Variants in TMTC2 observed in about 807,000 individuals in gnomAD.
TMTC2 encodes protein O-mannosyl-transferase TMTC2.
TMTC2 carries 43 observed loss-of-function variants against 82.4 expected under a neutral mutation model. The observed-to-expected ratio is 0.52, with a 90% CI of 0.41 to 0.67. The LOEUF (loss-of-function observed/expected upper bound fraction) is 0.67, where lower values mean the gene tolerates loss of function less well. Ranked by LOEUF, TMTC2 falls within the 30% of genes least tolerant of loss-of-function variation. The pLI is 0.00. For synonymous variants in TMTC2, 408 were observed against 381.9 expected (o/e 1.07, Z -0.80); for missense variants, 919 against 1,012.4 (o/e 0.91, Z 1.25).
At chr12:82,780,349 C>G (rs779729133) in intron 1 of TMTC2, among the ~76,000 whole-genome samples, 11 of 152,014 alleles carry the variant, frequency 7.2e-5, no homozygotes, top group Middle Eastern at 3.4e-3. Context: ...ATTTTTTTCC[C>G]TTTTGCAAGA....
chr12:82,903,012 C>T (rs1249621592), intron 3 of TMTC2, among the ~76,000 whole-genome samples: 3 of 152,222 alleles, frequency 2.0e-5, no homozygotes, highest in Non-Finnish European at 4.4e-5. Flanking sequence ...TTCCCTTACT[C>T]CACACCAGCC....
chr12:82,819,524 G>A (rs1332245820), intron 1 of TMTC2, among the ~76,000 whole-genome samples: 7 of 134,182 alleles, frequency 5.2e-5, no homozygotes, highest in East Asian at 2.1e-4. Context: ...TTTTTGAGAC[G>A]GAGTTTCGCT....
chr12:82,896,813 T>G (rs1375068907), intron 3 of TMTC2, among the ~76,000 whole-genome samples, 167 bp downstream of exon 3: 1 of 152,164 alleles, frequency 6.6e-6, no homozygotes, highest in African/African-American at 2.4e-5. Context: ...ATATAACCAA[T>G]TTAGAGACAT....
chr12:83,049,983 G>A (rs1882286924), intron 9 of TMTC2, among the ~76,000 whole-genome samples: 1 of 151,986 alleles, frequency 6.6e-6, no homozygotes, highest in Non-Finnish European at 1.5e-5. Context: ...AAAGTTTTAT[G>A]TTTTTGTGTG....
chr12:82,740,876 G>A (rs1475190062), intron 1 of TMTC2, among the ~76,000 whole-genome samples: 1 of 152,182 alleles, frequency 6.6e-6, no homozygotes, highest in Admixed American at 6.5e-5. Flanking sequence ...CGAGCAATCT[G>A]GTATTTCTCA....
intron 8 of TMTC2, among the ~76,000 whole-genome samples, chr12:83,029,905 G>C (rs189618989): frequency 1.3e-4 from 20 of 152,232 alleles, no homozygotes; most frequent in Admixed American, 9.8e-4. Context: ...GCGTATGATG[G>C]TAATATTTAC....
intron 11 of TMTC2, among the ~76,000 whole-genome samples, chr12:83,080,097 C>T (rs988703751): frequency 5.3e-5 from 8 of 152,274 alleles, no homozygotes; most frequent in Non-Finnish European, 1.2e-4. Context: ...TACTGATTGA[C>T]ACAGTAACTC....
chr12:83,121,355 G>A (rs1202381293), intron 11 of TMTC2, among the ~76,000 whole-genome samples: 2 of 152,164 alleles, frequency 1.3e-5, no homozygotes, highest in Non-Finnish European at 2.9e-5. Flanking sequence ...TTCCCTTGAT[G>A]TAATACTCTC....
At chr12:82,729,873 C>T (rs1421339820) in intron 1 of TMTC2, among the ~76,000 whole-genome samples, 1 of 152,158 alleles carries the variant, frequency 6.6e-6, no homozygotes, top group Non-Finnish European at 1.5e-5. Flanking sequence ...CGAAGGTCTG[C>T]AGCTTCACTC....
chr12:83,007,338 T>C (rs952287699), intron 8 of TMTC2, among the ~76,000 whole-genome samples: 2 of 152,232 alleles, frequency 1.3e-5, no homozygotes, highest in Non-Finnish European at 2.9e-5. Flanking sequence ...CACTTAAACT[T>C]CAGTCTTAGG....
chr12:82,839,566 G>A (rs958154158), intron 1 of TMTC2, among the ~76,000 whole-genome samples: 1 of 152,126 alleles, frequency 6.6e-6, no homozygotes, highest in African/African-American at 2.4e-5. Context: ...TTGTCCTGTT[G>A]TTTAGAAGTG....
rs1227825792 is a variant in TMTC2 at position 83,134,688 on chromosome 12, G to T, written c.*2299G>T. The T allele has an allele frequency of 6.6e-6, 1 of 152,142 alleles. No homozygotes were observed. Among genetic ancestry groups the T allele is most frequent in the Non-Finnish European group, 1.5e-5 (1 of 68,012 alleles). 9.4% of individuals were successfully genotyped at this position (152,142 alleles called of 1,614,324 possible). A position where few individuals can be genotyped will look rare whatever the true frequency, so the allele number is the denominator to read the frequency against. On this transcript the variant is annotated 3_prime_UTR_variant, in exon 12 of 12. Transcript: ENST00000321196. ...GCTCAGGGATTTATGGTGGATTATT[G>T]CAGACAGTGCTAAAAATATAGAGCA...
intron 8 of TMTC2, among the ~76,000 whole-genome samples, chr12:82,992,875 T>A (rs1037789642): frequency 1.3e-5 from 2 of 152,178 alleles, no homozygotes; most frequent in Non-Finnish European, 2.9e-5. Context: ...TCAGGAGCAA[T>A]AAAAATTAAA....
At chr12:82,724,019 TG>T (rs1381002465) in intron 1 of TMTC2, among the ~76,000 whole-genome samples, 5 of 152,160 alleles carry the variant, frequency 3.3e-5, no homozygotes, top group African/African-American at 1.2e-4. Flanking sequence ...GTCAGTAAAA[TG>T]GGGATACAAA....
chr12:83,098,471 T>C (rs1201188908), intron 11 of TMTC2, among the ~76,000 whole-genome samples: 3 of 152,360 alleles, frequency 2.0e-5, no homozygotes, highest in Middle Eastern at 3.4e-3. Flanking sequence ...CTAACTGCTC[T>C]CTTTGCCTCA....
chr12:83,051,483 C>T (rs1478225691), intron 10 of TMTC2, among the ~76,000 whole-genome samples: 1 of 152,064 alleles, frequency 6.6e-6, no homozygotes, highest in Non-Finnish European at 1.5e-5. Context: ...CCTCCTTTCC[C>T]TTCCCTCTAA....
At chr12:83,113,291 A>C (rs1048143619) in intron 11 of TMTC2, among the ~76,000 whole-genome samples, 1 of 152,218 alleles carries the variant, frequency 6.6e-6, no homozygotes, top group Non-Finnish European at 1.5e-5. Context: ...ATTCAGAACT[A>C]TATAAAAATT....
At chr12:82,913,334 G>T in intron 3 of TMTC2, among the ~76,000 whole-genome samples, 1 of 152,004 alleles carries the variant, frequency 6.6e-6, no homozygotes, top group East Asian at 1.9e-4. Context: ...ATCATACTTT[G>T]GTTTTGGCTT....
intron 1 of TMTC2, among the ~76,000 whole-genome samples, chr12:82,826,739 G>C (rs1490211897): frequency 6.6e-6 from 1 of 152,024 alleles, no homozygotes; most frequent in Non-Finnish European, 1.5e-5. Context: ...TTGAAATTCT[G>C]TGTGACATGA....
Sources: gnomAD v4.1 joint callset for allele counts (sites outside exome capture counted in the v4.1 genomes callset) on GRCh38, gnomAD v4.1.1 for gene constraint, MANE v1.5 for transcripts, NCBI Gene and HGNC (gene_info 2026-07-23, HGNC 2026-07-21) for gene names.